Variants in SCYL2 observed in about 807,000 individuals in gnomAD.
SCYL2 encodes SCY1-like protein 2.
Under a neutral mutation model 100.4 loss-of-function variants are expected in SCYL2, and 36 were observed. The observed-to-expected ratio is 0.36, with a 90% CI of 0.27 to 0.47. The LOEUF (loss-of-function observed/expected upper bound fraction) is 0.47. Ranked by LOEUF, SCYL2 falls within the 20% of genes least tolerant of loss-of-function variation. The pLI, the probability that SCYL2 is intolerant of heterozygous loss-of-function variation, is 1.00. For synonymous variants in SCYL2, 330 were observed against 359.2 expected (o/e 0.92, Z 0.92); for missense variants, 902 against 1,083.9 (o/e 0.83, Z 2.36).
intron 6 of SCYL2, 65 bp downstream of exon 6, chr12:100,312,718 C>A: frequency 1.7e-6 from 2 of 1,173,770 alleles, no homozygotes; most frequent in Non-Finnish European, 2.5e-6. Context: ...GATTTTTTTC[C>A]AAAATGTGTT....
chr12:100,319,397 T>G (rs2096353063), intron 10 of SCYL2: 1 of 352,188 alleles, frequency 2.8e-6, no homozygotes, highest in African/African-American at 2.1e-5. Context: ...TTAGTGATAT[T>G]AAAGAAGAGG....
chr12:100,280,951 T>C (rs2096297392), intron 1 of SCYL2, among the ~76,000 whole-genome samples: 1 of 151,616 alleles, frequency 6.6e-6, no homozygotes, highest in East Asian at 1.9e-4. Context: ...AACAAACCTA[T>C]GTAAAATTCT....
At position 100,282,079 on chromosome 12, in the gene SCYL2, G is replaced by A. The variant is rs140467246; in HGVS notation, c.-28-864G>A. On this transcript the variant is annotated intron_variant, in intron 1 of 17. Transcript: ENST00000360820. ...GTCACCCAGCCTGGAGTGCAGTAGT[G>A]TGATCTCGACTCTTGACTCACTGCA... Among the ~76,000 whole-genome samples the A allele has an allele frequency of 5.3e-3, 805 of 152,154 alleles. 5 individuals carry two copies. Among genetic ancestry groups the A allele is most frequent in the Middle Eastern group, 0.014 (4 of 294 alleles).
In SCYL2 at chr12:100,337,496, C is replaced by T. The variant is rs1234287318; in HGVS notation, c.2135C>T (p.Thr712Ile). The stretch of plus-strand genomic sequence containing the variant: ...CCCCAAGTGCACACACCTGTTGCTA[C>T]TGTTAAACAGGTCAGAGTTCATTTC... ...LKPQVHTPVA[T>I]VKQTKDLTDT... The change falls in exon 17 of 18, where the codon ACT (threonine) becomes ATT (isoleucine). Residue 712 changes from threonine (T) to isoleucine (I), a missense_variant. Thr to Ile is a moderately conservative substitution (Grantham distance 89). Coordinates refer to ENST00000360820, the MANE Select transcript of SCYL2 (RefSeq NM_017988.6). 1.9e-6 allele frequency: 3 copies of T among 1,613,476 alleles called. No homozygotes were observed. Among genetic ancestry groups the T allele is most frequent in the South Asian group, 2.2e-5 (2 of 91,038 alleles).
At chr12:100,328,687 T>C (rs1284348538) in intron 12 of SCYL2, among the ~76,000 whole-genome samples, 3 of 152,148 alleles carry the variant, frequency 2.0e-5, no homozygotes, top group Admixed American at 2.0e-4. Context: ...GAAGATTGAG[T>C]AAATAGGTGA....
At chr12:100,311,803 A>T (rs561657601) in intron 5 of SCYL2, among the ~76,000 whole-genome samples, 1 of 152,178 alleles carries the variant, frequency 6.6e-6, no homozygotes, top group African/African-American at 2.4e-5. Context: ...TATTAAATCA[A>T]TTCTGCCTTG....
chr12:100,321,794 G>A (rs2096356043), intron 10 of SCYL2, among the ~76,000 whole-genome samples: 1 of 152,216 alleles, frequency 6.6e-6, no homozygotes. Flanking sequence ...TGTAATTTGA[G>A]CACTTTGGAA....
intron 1 of SCYL2, among the ~76,000 whole-genome samples, chr12:100,279,345 A>T (rs908299727): frequency 6.6e-6 from 1 of 152,324 alleles, no homozygotes. Flanking sequence ...TTAGGCAGTA[A>T]TGCTTGCTCG....
chr12:100,315,977 A>G (rs544787465), intron 9 of SCYL2, among the ~76,000 whole-genome samples: 1 of 152,334 alleles, frequency 6.6e-6, no homozygotes, highest in East Asian at 1.9e-4. Flanking sequence ...ATAAACTGCA[A>G]TGAAATTTTG....
At chr12:100,276,129 G>T (rs972890990) in intron 1 of SCYL2, among the ~76,000 whole-genome samples, 2 of 152,162 alleles carry the variant, frequency 1.3e-5, no homozygotes, top group African/African-American at 4.8e-5. Context: ...TTGGTTTGAT[G>T]TCAAGGTAAT....
chr12:100,305,727 T>G (rs1321457563), intron 4 of SCYL2, among the ~76,000 whole-genome samples: 3 of 150,552 alleles, frequency 2.0e-5, no homozygotes, highest in South Asian at 4.2e-4. Flanking sequence ...TTTTTTTTTT[T>G]TTTTTTTTTT....
chr12:100,321,235 A>G (rs2096355447), intron 10 of SCYL2, among the ~76,000 whole-genome samples: 1 of 152,264 alleles, frequency 6.6e-6, no homozygotes, highest in East Asian at 1.9e-4. Context: ...TGTTCTGATA[A>G]CAGATTCTTA....
intron 3 of SCYL2, among the ~76,000 whole-genome samples, chr12:100,297,255 A>G (rs140271935): frequency 8.1e-4 from 124 of 152,322 alleles, no homozygotes; most frequent in African/African-American, 2.2e-3. Flanking sequence ...AGGTGGGTCT[A>G]TTATCACCAT....
intron 17 of SCYL2, 117 bp downstream of exon 17, chr12:100,337,623 T>C (rs1566374805): frequency 2.0e-6 from 2 of 1,012,786 alleles, no homozygotes; most frequent in East Asian, 2.6e-5. Flanking sequence ...TACCTTAATA[T>C]GTGGTTTCTA....
intron 10 of SCYL2, among the ~76,000 whole-genome samples, chr12:100,322,044 CAA>C (rs35666642): frequency 7.5e-4 from 50 of 66,788 alleles, no homozygotes; most frequent in African/African-American, 1.7e-3. Flanking sequence ...CAAGACTCTC[CAA>C]AAAAAAAAAA....
Position 100,340,375 on chromosome 12 carries a change from T to C in SCYL2, c.*1203T>C, listed in dbSNP as rs191098651. 2.5e-4 allele frequency: 38 copies of C among 152,276 alleles called. No homozygotes were observed. Among genetic ancestry groups the C allele is most frequent in the African/African-American group, 8.9e-4 (37 of 41,580 alleles). 9.4% of individuals were successfully genotyped at this position (152,276 alleles called of 1,614,324 possible). A position where few individuals can be genotyped will look rare whatever the true frequency, so the allele number is the denominator to read the frequency against. Reference sequence around the variant, plus strand: ...ATATTTTTCTTTAATTTGCTGATTATTCAACCACAGAGCCTTATGCTATAA... The same window carrying C: ...ATATTTTTCTTTAATTTGCTGATTACTCAACCACAGAGCCTTATGCTATAA... On this transcript the variant is annotated 3_prime_UTR_variant, in exon 18 of 18. Coordinates refer to ENST00000360820, the MANE Select transcript of SCYL2 (RefSeq NM_017988.6).
At chr12:100,314,809 A>C (rs1319589237) in intron 8 of SCYL2, among the ~76,000 whole-genome samples, 195 bp downstream of exon 8, 1 of 152,222 alleles carries the variant, frequency 6.6e-6, no homozygotes, top group Admixed American at 6.5e-5. Flanking sequence ...TAGGCTAAAA[A>C]ATTTAGAAGG....
At chr12:100,270,656 A>G (rs894825297) in intron 1 of SCYL2, among the ~76,000 whole-genome samples, 4 of 145,100 alleles carry the variant, frequency 2.8e-5, no homozygotes, top group Non-Finnish European at 6.0e-5. Context: ...TTTTATTTAC[A>G]TAGAGACAGG....
intron 4 of SCYL2, among the ~76,000 whole-genome samples, chr12:100,304,345 G>A (rs893985270): frequency 2.0e-5 from 3 of 151,944 alleles, no homozygotes; most frequent in Non-Finnish European, 4.4e-5. Flanking sequence ...CTGCCCAAAC[G>A]GCGCCCAGTT....
Sources: allele counts gnomAD v4.1 joint callset (sites outside exome capture counted in the v4.1 genomes callset), GRCh38; gene constraint gnomAD v4.1.1; transcripts MANE v1.5; gene names NCBI Gene and HGNC (gene_info 2026-07-23, HGNC 2026-07-21).